Variants in CD72 observed in about 807,000 individuals in gnomAD.
CD72 encodes B-cell differentiation antigen CD72.
Under a neutral mutation model 50.7 loss-of-function variants are expected in CD72, and 28 were observed. That is an observed-to-expected ratio of 0.55 (90% CI 0.41 to 0.76). The LOEUF (loss-of-function observed/expected upper bound fraction) is 0.76, where lower values mean the gene tolerates loss of function less well. Ranked by LOEUF, CD72 falls within the 30% of genes least tolerant of loss-of-function variation. The pLI is 0.00. For missense variants in CD72, 403 were observed against 420.6 expected (o/e 0.96, Z 0.37); for synonymous variants, 176 against 171.2 (o/e 1.03, Z -0.22).
intron 1 of CD72, among the ~76,000 whole-genome samples, chr9:35,644,970 G>A (rs7019086): frequency 2.6e-5 from 4 of 150,954 alleles, no homozygotes; most frequent in African/African-American, 9.7e-5. Flanking sequence ...GGGAGGCCAA[G>A]GTGGACAGAT....
intron 1 of CD72, among the ~76,000 whole-genome samples, chr9:35,639,584 T>C (rs1305483184): frequency 2.0e-5 from 3 of 152,212 alleles, no homozygotes; most frequent in Non-Finnish European, 2.9e-5. Context: ...CCAATTTTGA[T>C]GACAAATGAC....
At chr9:35,622,861 C>T (rs1043763732), upstream of CD72, among the ~76,000 whole-genome samples, 1 of 151,982 alleles carries the variant, frequency 6.6e-6, no homozygotes, top group African/African-American at 2.4e-5. Flanking sequence ...AATCCCAAGA[C>T]TTTGGGAAGC....
Position 35,618,102 on chromosome 9 carries a change from A to G in CD72, c.102T>C (p.Asp34=). ...RLGQDPGADD[D]GEITYENVQV... is the part of the protein sequence containing the mutation. ...GAACATTCTCGTAGGTGATTTCCCC[A>G]TCATCATCAGCCCCTGGGTCTAGAG... Residue 34 remains aspartate (D), a synonymous_variant, in exon 2 of 9, where the codon GAT becomes GAC. Coordinates refer to ENST00000259633, the MANE Select transcript of CD72 (RefSeq NM_001782.3). 13 of 1,613,744 alleles carry G rather than the reference A, an allele frequency of 8.1e-6. No homozygotes were observed. The highest frequency in any genetic ancestry group is 1.1e-5 in the Non-Finnish European group (13 of 1,179,676).
Position 35,615,996 on chromosome 9 carries a change from T to G in CD72, c.635A>C (p.Lys212Thr). ...EEQQRRALEQ[K>T]LSNMENRLKP... is the part of the protein sequence containing the mutation. ...CAGTCTGTTCTCCATGTTGCTCAGC[T>G]TCTGCTCCAAGGCCCTCCTCTGTTG... Residue 212 changes from lysine (K) to threonine (T), a missense_variant, in exon 5 of 9, where the codon AAG (lysine) becomes ACG (threonine). Coordinates refer to ENST00000259633, the MANE Select transcript of CD72 (RefSeq NM_001782.3). The G allele has an allele frequency of 6.2e-7, 1 of 1,614,064 alleles. No individual in the cohort carries two copies. Among genetic ancestry groups the G allele is most frequent in the Non-Finnish European group, 8.5e-7 (1 of 1,180,022 alleles).
intron 1 of CD72, among the ~76,000 whole-genome samples, chr9:35,639,827 G>A (rs933552055): frequency 6.6e-6 from 1 of 152,106 alleles, no homozygotes. Flanking sequence ...GAAACTAAGA[G>A]TAAAAACCAA....
At chr9:35,636,297 A>T (rs1293683686) in intron 1 of CD72, among the ~76,000 whole-genome samples, 2 of 152,128 alleles carry the variant, frequency 1.3e-5, no homozygotes, top group Non-Finnish European at 1.5e-5. Context: ...ACTGTTGTGT[A>T]GCCTTTGGTT....
At chr9:35,624,223 TAATAATAATA>T (rs1823174288), upstream of CD72, among the ~76,000 whole-genome samples, 2 of 105,542 alleles carry the variant, frequency 1.9e-5, no homozygotes, top group South Asian at 5.2e-4. Flanking sequence ...AAAATAATAA[TAATAATAATA>T]ATAATAATAA....
At chr9:35,636,406 G>A (rs964013978) in intron 1 of CD72, among the ~76,000 whole-genome samples, 1 of 152,182 alleles carries the variant, frequency 6.6e-6, no homozygotes, top group African/African-American at 2.4e-5. Flanking sequence ...CTGTTATAAG[G>A]AACCAGAACA....
At chr9:35,645,601 A>AC (rs962653806) in intron 1 of CD72, among the ~76,000 whole-genome samples, 37 of 151,824 alleles carry the variant, frequency 2.4e-4, no homozygotes, top group Admixed American at 6.6e-4. Flanking sequence ...AAACAAACAA[A>AC]AAAAAACTTG....
chr9:35,616,013 C>T lies in CD72; in HGVS notation c.618G>A (p.Arg206=). 1 of 1,614,074 alleles carries T rather than the reference C, an allele frequency of 6.2e-7. No homozygotes were observed. Among genetic ancestry groups the T allele is most frequent in the Non-Finnish European group, 8.5e-7 (1 of 1,180,030 alleles). Residue 206 remains arginine, a synonymous_variant, in exon 5 of 9, where the codon AGG becomes AGA. Transcript: ENST00000259633. ...KETLQSEEQQ[R]RALEQKLSNM... ...TGCTCAGCTTCTGCTCCAAGGCCCT[C>T]CTCTGTTGCTCCTCACTTTGCAAGG...
At chr9:35,642,170 C>T (rs4449876) in intron 1 of CD72, among the ~76,000 whole-genome samples, 15,006 of 152,238 alleles carry the variant, frequency 0.099, 1,110 homozygotes, top group East Asian at 0.39. Flanking sequence ...GTCACGGGAA[C>T]CTCTAAAAGG....
At chr9:35,641,590 G>T (rs1379591558) in intron 1 of CD72, among the ~76,000 whole-genome samples, 1 of 152,150 alleles carries the variant, frequency 6.6e-6, no homozygotes, top group Non-Finnish European at 1.5e-5. Context: ...TAGCCATCTT[G>T]AGGAGAGGAA....
At chr9:35,615,846 T>C (rs1280289027) in intron 5 of CD72, 97 bp downstream of exon 5, 10 of 977,812 alleles carry the variant, frequency 1.0e-5, no homozygotes, top group Non-Finnish European at 1.4e-5. Flanking sequence ...GCCCCTTTCC[T>C]GAACACCTCA....
chr9:35,627,458 CA>C (rs34311830), intron 1 of CD72, among the ~76,000 whole-genome samples: 1 of 150,106 alleles, frequency 6.7e-6, no homozygotes, highest in African/African-American at 2.5e-5. Flanking sequence ...CATTGGGAAA[CA>C]AAAAAAAAAT....
At chr9:35,644,760 G>A (rs937466379) in intron 1 of CD72, among the ~76,000 whole-genome samples, 1 of 152,160 alleles carries the variant, frequency 6.6e-6, no homozygotes, top group Non-Finnish European at 1.5e-5. Context: ...AGAGGAGGGT[G>A]GCTCAAGGAG....
At chr9:35,612,603 A>G (rs1823003264) in intron 6 of CD72, among the ~76,000 whole-genome samples, 1 of 151,878 alleles carries the variant, frequency 6.6e-6, no homozygotes, top group East Asian at 1.9e-4. Context: ...AAAAATGTAG[A>G]TATGGTTAAG....
At chr9:35,643,784 C>T (rs1823360649) in intron 1 of CD72, among the ~76,000 whole-genome samples, 1 of 152,068 alleles carries the variant, frequency 6.6e-6, no homozygotes, top group Non-Finnish European at 1.5e-5. Context: ...TCAAAACCAG[C>T]CTGGCCAACA....
At chr9:35,645,733 GCT>G (rs769142424) in intron 1 of CD72, among the ~76,000 whole-genome samples, 18 of 152,296 alleles carry the variant, frequency 1.2e-4, no homozygotes, top group Non-Finnish European at 2.4e-4. Context: ...CCACAACCCA[GCT>G]CTGTTTCCCT....
chr9:35,614,210 C>A (rs1823035528), intron 5 of CD72, among the ~76,000 whole-genome samples: 1 of 152,120 alleles, frequency 6.6e-6, no homozygotes, highest in East Asian at 1.9e-4. Flanking sequence ...AGTGCCTGGG[C>A]ACAGTGCTAG....
Sources: allele counts gnomAD v4.1 joint callset (sites outside exome capture counted in the v4.1 genomes callset), GRCh38; gene constraint gnomAD v4.1.1; transcripts MANE v1.5; gene names NCBI Gene and HGNC (gene_info 2026-07-23, HGNC 2026-07-21).